ALOX5AP: variants seen among roughly 807,000 people sequenced by gnomAD.
ALOX5AP encodes arachidonate 5-lipoxygenase-activating protein.
Under a neutral mutation model 18.5 loss-of-function variants are expected in ALOX5AP, and 9 were observed. The ratio of observed to expected loss-of-function variants is 0.49; its 90% CI spans 0.29 to 0.85. The LOEUF (loss-of-function observed/expected upper bound fraction) is 0.85. ALOX5AP is among the 40% of genes least tolerant of loss of function. The probability of loss-of-function intolerance (pLI) is 0.08; values close to 1 mark genes in which losing one functional copy is unlikely to be tolerated. For synonymous variants in ALOX5AP, 81 were observed against 78.6 expected (o/e 1.03, Z -0.16); for missense variants, 172 against 202.5 (o/e 0.85, Z 0.91).
chr13:30,726,355 C>T (rs950119759), intron 1 of ALOX5AP, among the ~76,000 whole-genome samples: 3 of 152,158 alleles, frequency 2.0e-5, no homozygotes, highest in African/African-American at 7.2e-5. Flanking sequence ...GAAAGTGACA[C>T]CAACCTAGTA....
chr13:30,728,926 T>G (rs923717290), intron 1 of ALOX5AP, among the ~76,000 whole-genome samples: 1 of 152,236 alleles, frequency 6.6e-6, no homozygotes, highest in Non-Finnish European at 1.5e-5. Flanking sequence ...CCATTTTACA[T>G]TCTTACCAGC....
At chr13:30,728,495 G>A (rs1005138602) in intron 1 of ALOX5AP, among the ~76,000 whole-genome samples, 5 of 152,114 alleles carry the variant, frequency 3.3e-5, no homozygotes, top group Admixed American at 6.5e-5. Flanking sequence ...TCTTCTAGTG[G>A]TTCTGCATCT....
intron 1 of ALOX5AP, among the ~76,000 whole-genome samples, chr13:30,714,552 C>T (rs940035149): frequency 1.7e-5 from 2 of 120,900 alleles, no homozygotes; most frequent in African/African-American, 6.9e-5. Flanking sequence ...GGAGAGGTGG[C>T]CGCTGGCAAG....
chr13:30,727,730 C>T (rs1481262447), intron 1 of ALOX5AP, among the ~76,000 whole-genome samples: 2 of 152,154 alleles, frequency 1.3e-5, no homozygotes, highest in Admixed American at 6.5e-5. Flanking sequence ...GCATCAGATT[C>T]TCCTGCAGAA....
chr13:30,731,375 A>AT (rs1181273858), upstream of ALOX5AP, among the ~76,000 whole-genome samples: 36,006 of 140,460 alleles, frequency 0.26, 4,724 homozygotes, highest in African/African-American at 0.37. Flanking sequence ...CCTTGACCAC[A>AT]TTTTTTTTTT....
At chr13:30,733,570 T>C (rs1951698242), upstream of ALOX5AP, among the ~76,000 whole-genome samples, 1 of 152,238 alleles carries the variant, frequency 6.6e-6, no homozygotes, top group Non-Finnish European at 1.5e-5. Flanking sequence ...TGGTAGTTAA[T>C]TTTATGTCAA....
intron 1 of ALOX5AP, among the ~76,000 whole-genome samples, chr13:30,727,866 C>T (rs1593429471): frequency 6.6e-6 from 1 of 152,072 alleles, no homozygotes; most frequent in East Asian, 1.9e-4. Context: ...TCCTTGCTTC[C>T]CACACTTCAT....
intron 4 of ALOX5AP, among the ~76,000 whole-genome samples, chr13:30,763,079 G>A (rs1338045369): frequency 6.6e-6 from 1 of 152,222 alleles, no homozygotes; most frequent in Non-Finnish European, 1.5e-5. Flanking sequence ...AGGCCGAGGT[G>A]AGTGGATTGC....
rs4427651 is a variant in ALOX5AP at position 30,762,242 on chromosome 13, G to A, written c.324-1702G>A. Among the ~76,000 whole-genome samples, 47 of 152,118 alleles carry A rather than the reference G, an allele frequency of 3.1e-4. No individual in the cohort carries two copies. The East Asian group carries it at 8.7e-3, about 28-fold the overall frequency. Reference sequence around the variant, plus strand: ...TGGTCCACGGACCATACTTTGAGTAGCAAGGAGCTTGATACATAATGGCTG... The same window carrying A: ...TGGTCCACGGACCATACTTTGAGTAACAAGGAGCTTGATACATAATGGCTG... On this transcript the variant is annotated intron_variant, in intron 4 of 4. Coordinates refer to ENST00000380490, the MANE Select transcript of ALOX5AP (RefSeq NM_001629.4).
intron 1 of ALOX5AP, among the ~76,000 whole-genome samples, chr13:30,742,859 G>GCCCCCC (rs11316477): frequency 0.015 from 1,571 of 105,954 alleles, no homozygotes; most frequent in Non-Finnish European, 0.017. Context: ...GACCTTCACC[G>GCCCCCC]CCCCCCCCCC....
intron 2 of ALOX5AP, among the ~76,000 whole-genome samples, 159 bp from the exon 3 acceptor site, chr13:30,751,893 G>C (rs1368513437): frequency 6.6e-6 from 1 of 152,228 alleles, no homozygotes; most frequent in Non-Finnish European, 1.5e-5. Context: ...GTGGCAGCTG[G>C]CTGCCCCATC....
At position 30,744,153 on chromosome 13, in the gene ALOX5AP, C is replaced by A. The variant is rs772183678; in HGVS notation, c.164C>A (p.Thr55Asn). 4 of 1,613,862 alleles carry A rather than the reference C, an allele frequency of 2.5e-6. No homozygotes were observed. The highest frequency in any genetic ancestry group is 1.7e-5 in the Admixed American group (1 of 60,012). ...TGTLAFERVYTANQNCVDAYP... is the reference protein window; with the variant it reads ...TGTLAFERVYNANQNCVDAYP... ...ACACTTGCCTTTGAGCGGGTCTACA[C>A]TGCCAAGTGAGTCCTAACCCTGATG... The change falls in exon 2 of 5, where the codon ACT becomes AAT. Residue 55 changes from threonine (T) to asparagine (N), a missense_variant. Physicochemically the swap from Thr to Asn is moderately conservative, Grantham distance 65. Transcript: ENST00000380490.
intron 2 of ALOX5AP, among the ~76,000 whole-genome samples, chr13:30,744,853 TG>T (rs1326183564): frequency 6.6e-6 from 1 of 152,192 alleles, no homozygotes; most frequent in Non-Finnish European, 1.5e-5. Context: ...GCAGGCATGC[TG>T]GGGACTATGG....
At chr13:30,747,390 C>T (rs1234024984) in intron 2 of ALOX5AP, among the ~76,000 whole-genome samples, 1 of 152,146 alleles carries the variant, frequency 6.6e-6, no homozygotes, top group Non-Finnish European at 1.5e-5. Flanking sequence ...TCAGGCTGGT[C>T]TTGAACTCCT....
intron 1 of ALOX5AP, among the ~76,000 whole-genome samples, chr13:30,714,605 G>C (rs1483298475): frequency 8.5e-6 from 1 of 118,002 alleles, no homozygotes; most frequent in South Asian, 3.3e-4. Context: ...GGGGTGGGGG[G>C]TGGGGAGTTC....
intron 4 of ALOX5AP, among the ~76,000 whole-genome samples, chr13:30,759,967 A>G (rs1951927777): frequency 6.6e-6 from 1 of 152,222 alleles, no homozygotes; most frequent in South Asian, 2.1e-4. Context: ...ATTCTTACAC[A>G]CACTGGAGTT....
chr13:30,720,877 C>T (rs1228529767), intron 1 of ALOX5AP, among the ~76,000 whole-genome samples: 2 of 152,068 alleles, frequency 1.3e-5, no homozygotes, highest in Non-Finnish European at 2.9e-5. Flanking sequence ...TTGTCTGTAC[C>T]CTGAGAGCAT....
At chr13:30,755,496 T>C (rs1412000384) in intron 3 of ALOX5AP, among the ~76,000 whole-genome samples, 3 of 152,156 alleles carry the variant, frequency 2.0e-5, no homozygotes, top group Non-Finnish European at 2.9e-5. Context: ...GGTTAGATGA[T>C]AGATATGCAA....
intron 1 of ALOX5AP, among the ~76,000 whole-genome samples, chr13:30,714,637 A>G (rs1000151151): frequency 2.6e-5 from 4 of 151,580 alleles, no homozygotes; most frequent in African/African-American, 9.7e-5. Flanking sequence ...CCTAGCGCAT[A>G]GTCTCCAGCC....
Sources: gnomAD v4.1 joint callset for allele counts (sites outside exome capture counted in the v4.1 genomes callset) on GRCh38, gnomAD v4.1.1 for gene constraint, MANE v1.5 for transcripts, NCBI Gene and HGNC (gene_info 2026-07-23, HGNC 2026-07-21) for gene names.